Variants in BARHL2 observed in about 807,000 individuals in gnomAD.
The protein encoded by BARHL2 is barH-like 2 homeobox protein.
Under a neutral mutation model 27.1 loss-of-function variants are expected in BARHL2, and 10 were observed. That is an observed-to-expected ratio of 0.37 (90% CI 0.23 to 0.63). The LOEUF (loss-of-function observed/expected upper bound fraction) is 0.63, where lower values mean the gene tolerates loss of function less well. BARHL2 is among the 20% of genes least tolerant of loss of function. The pLI is 0.65. For missense variants in BARHL2, 483 were observed against 533.5 expected (o/e 0.91, Z 0.93); for synonymous variants, 248 against 224.7 (o/e 1.10, Z -0.93).
Position 90,717,011 on chromosome 1 carries a change from G to A in BARHL2, c.185C>T (p.Pro62Leu), listed in dbSNP as rs1301048987. Residue 62 changes from proline (P) to leucine (L), a missense_variant, in exon 1 of 3, where the codon CCT (proline) becomes CTT (leucine). Around this residue, in one of 3 missense-constraint regions of BARHL2, gnomAD observed 304 missense variants for 284.9 expected, o/e 1.07. Transcript: ENST00000370445. ...CSEIDTVGTA[P>L]SSPISVTMEP... ...CATGGTGACTGAGATAGGAGAAGAA[G>A]GCGCCGTCCCTACGGTATCAATCTC... 4 of 1,613,800 alleles carry A rather than the reference G, an allele frequency of 2.5e-6. No individual in the cohort carries two copies. The Admixed American group carries it at 5.0e-5, about 20-fold the overall frequency.
At chr1:90,714,397 A>T in intron 2 of BARHL2, 134 bp downstream of exon 2, 1 of 836,488 alleles carries the variant, frequency 1.2e-6, no homozygotes, top group Non-Finnish European at 1.9e-6. Context: ...CCCCATCCTT[A>T]AAGCACCCAA....
rs770520511 is a variant in BARHL2, at chr1:90,714,717, C to T, written c.665G>A (p.Arg222His). Residue 222 changes from arginine (R) to histidine (H), a missense_variant, in exon 2 of 3, where the codon CGT becomes CAT. This residue lies in a region of BARHL2 where 49 missense variants were observed against 110.6 expected (regional missense o/e 0.44). Transcript: ENST00000370445. ...CTTGGCTCTCACAGGGGGACTCTCA[C>T]GGCTACTCGTAATCTCCCGGTCTCC... ...EEGDREITSS[R>H]ESPPVRAKKP... 3.1e-6 allele frequency: 5 copies of T among 1,614,190 alleles called. No individual in the cohort carries two copies. The highest frequency in any genetic ancestry group is 4.2e-6 in the Non-Finnish European group (5 of 1,180,040).
At chr1:90,714,382 C>A (rs1429341286) in intron 2 of BARHL2, 149 bp downstream of exon 2, 9 of 744,788 alleles carry the variant, frequency 1.2e-5, no homozygotes, top group African/African-American at 1.7e-5. Context: ...TGTGGCTCAT[C>A]CCTGCCCCAT....
intron 1 of BARHL2, among the ~76,000 whole-genome samples, chr1:90,715,170 C>CT (rs35625130): frequency 0.11 from 7,586 of 66,236 alleles, 431 homozygotes; most frequent in African/African-American, 0.15. Flanking sequence ...TCCCTCTACT[C>CT]TTTTTTTTTT....
intron 1 of BARHL2, among the ~76,000 whole-genome samples, chr1:90,716,085 T>C (rs1658138033): frequency 7.5e-6 from 1 of 134,204 alleles, no homozygotes; most frequent in Non-Finnish European, 1.6e-5. Flanking sequence ...TTAAAACCGA[T>C]AATTCCTGTG....
In BARHL2 at chr1:90,714,387, C is replaced by T. The variant is rs1658100783; in HGVS notation, c.851+144G>A. 1.0e-5 allele frequency: 8 copies of T among 766,500 alleles called. No homozygotes were observed. In the East Asian group the frequency reaches 1.9e-4, roughly 18 times the overall value. The allele number at this position is 766,500 out of a possible 1,614,324, so 47.5% of individuals were successfully genotyped here. A position where few individuals can be genotyped will look rare whatever the true frequency, so the allele number is the denominator to read the frequency against. On this transcript the variant is annotated intron_variant, in intron 2 of 2. Coordinates refer to ENST00000370445, the MANE Select transcript of BARHL2 (RefSeq NM_020063.2). ...ACCTTGGGGGTGTGGCTCATCCCTG[C>T]CCCATCCTTAAAGCACCCAAGTGCC... is the stretch of plus-strand genomic sequence containing the variant.
In BARHL2 at chr1:90,714,738, T is replaced by C; in HGVS notation, c.644A>G (p.Asp215Gly). Residue 215 changes from aspartate to glycine, a missense_variant, in exon 2 of 3, where the codon GAC (aspartate) becomes GGC (glycine). This residue lies in a region of BARHL2 where 49 missense variants were observed against 110.6 expected (regional missense o/e 0.44). Coordinates refer to ENST00000370445, the MANE Select transcript of BARHL2 (RefSeq NM_020063.2). ...IKCHGTKEEG[D>G]REITSSRESP... ...CTCACGGCTACTCGTAATCTCCCGG[T>C]CTCCTTCCTCCTTTGTCCCTACCAT... 2 of 1,614,184 alleles carry C rather than the reference T, an allele frequency of 1.2e-6. No homozygotes were observed. The highest frequency in any genetic ancestry group is 1.1e-5 in the South Asian group (1 of 91,078).
rs1159717811 is a variant in BARHL2 at position 90,711,823 on chromosome 1, T to G, written c.*489A>C. ...TGCAAAGTTCTCAGTTACCCTCCTC[T>G]TTTCTCTGGGGCAGACGGAATGTCC... is the stretch of plus-strand genomic sequence containing the variant. On this transcript the variant is annotated 3_prime_UTR_variant, in exon 3 of 3. Transcript: ENST00000370445. 1 of 152,324 alleles carries G rather than the reference T, an allele frequency of 6.6e-6. No individual in the cohort carries two copies. Among genetic ancestry groups the G allele is most frequent in the Non-Finnish European group, 1.5e-5 (1 of 68,252 alleles). The allele number at this position is 152,324 out of a possible 1,614,324, so 9.4% of individuals were successfully genotyped here. A position where few individuals can be genotyped will look rare whatever the true frequency, so the allele number is the denominator to read the frequency against.
At chr1:90,712,736 G>A (rs2100639979) in intron 2 of BARHL2, 112 bp from the exon 3 acceptor site, 1 of 1,126,590 alleles carries the variant, frequency 8.9e-7, no homozygotes, top group East Asian at 2.6e-5. Flanking sequence ...TCCCTGGGTG[G>A]CAGGAAGACT....
chr1:90,714,853 C>T (rs1658110488), intron 1 of BARHL2, 97 bp from the exon 2 acceptor site: 2 of 1,187,028 alleles, frequency 1.7e-6, no homozygotes, highest in South Asian at 1.3e-5. Context: ...AAGCCAACTA[C>T]TGGCTTCGGG....
At chr1:90,716,245 C>G (rs1658141903) in intron 1 of BARHL2, among the ~76,000 whole-genome samples, 1 of 152,156 alleles carries the variant, frequency 6.6e-6, no homozygotes, top group African/African-American at 2.4e-5. Flanking sequence ...AGAAAAACCC[C>G]AAGTCCATCC....
intron 2 of BARHL2, among the ~76,000 whole-genome samples, chr1:90,714,280 G>C (rs1029376033): frequency 3.3e-5 from 5 of 152,174 alleles, no homozygotes; most frequent in Non-Finnish European, 7.3e-5. Context: ...CAGCGGCTCG[G>C]GTTTCAGAGG....
intron 2 of BARHL2, among the ~76,000 whole-genome samples, chr1:90,713,099 A>T (rs574663107): frequency 6.6e-6 from 1 of 152,218 alleles, no homozygotes; most frequent in African/African-American, 2.4e-5. Flanking sequence ...AACCGTAAAC[A>T]AAGGGATGCA....
At chr1:90,716,365 G>A (rs1658144057) in intron 1 of BARHL2, among the ~76,000 whole-genome samples, 1 of 152,202 alleles carries the variant, frequency 6.6e-6, no homozygotes, top group African/African-American at 2.4e-5. Context: ...CGTGAAGGTT[G>A]TGGGGTAGAA....
At chr1:90,712,918 C>A (rs1658066152) in intron 2 of BARHL2, among the ~76,000 whole-genome samples, 1 of 152,158 alleles carries the variant, frequency 6.6e-6, no homozygotes, top group Non-Finnish European at 1.5e-5. Flanking sequence ...CTGCTGTCGC[C>A]CCCCTTGTAG....
Position 90,714,760 on chromosome 1 carries a change from C to G in BARHL2, c.626-4G>C, listed in dbSNP as rs751449154. 6.2e-7 allele frequency: 1 copy of G among 1,613,848 alleles called. No homozygotes were observed. ...CGGTCTCCTTCCTCCTTTGTCCCTA[C>G]CATAGAAACCCAGCCACGGTGGTAA... On this transcript the variant is annotated splice_region_variant and splice_polypyrimidine_tract_variant and intron_variant, in intron 1 of 2. Transcript: ENST00000370445.
In BARHL2 at chr1:90,716,819, T is replaced by TGGG. The variant is rs747119215; in HGVS notation, c.374_376dup (p.Pro125dup). The TGGG allele has an allele frequency of 1.3e-6, 2 of 1,552,210 alleles. No individual in the cohort carries two copies. Among genetic ancestry groups the TGGG allele is most frequent in the East Asian group, 4.9e-5 (2 of 40,982 alleles). ...GGCCGAGGCGGCCGAGCCCAGCTGC[T>TGGG]GGGGGGGCGGCGGCGGCGGCTGCTG... On this transcript the variant is annotated inframe_insertion, in exon 1 of 3. Coordinates refer to ENST00000370445, the MANE Select transcript of BARHL2 (RefSeq NM_020063.2).
rs1002351437 is a variant in BARHL2, at chr1:90,712,260, G to A, written c.*52C>T. ...GCAGGGAGAGGACGGGCAGCAGTCC[G>A]GGTTGGGCAGGGATATGGGGAAGGG... On this transcript the variant is annotated 3_prime_UTR_variant, in exon 3 of 3. Coordinates refer to ENST00000370445, the MANE Select transcript of BARHL2 (RefSeq NM_020063.2). 11 of 1,414,156 alleles carry A rather than the reference G, an allele frequency of 7.8e-6. No individual in the cohort carries two copies. Among genetic ancestry groups the A allele is most frequent in the South Asian group, 6.3e-5 (4 of 63,482 alleles). The allele number at this position is 1,414,156 out of a possible 1,614,324, so 87.6% of individuals were successfully genotyped here. A position where few individuals can be genotyped will look rare whatever the true frequency, so the allele number is the denominator to read the frequency against.
At chr1:90,715,484 C>T (rs1468639022) in intron 1 of BARHL2, among the ~76,000 whole-genome samples, 2 of 152,106 alleles carry the variant, frequency 1.3e-5, no homozygotes, top group African/African-American at 4.8e-5. Context: ...TGTTTGTACC[C>T]GTTTGTGCAG....
Sources: gnomAD v4.1 joint callset for allele counts (sites outside exome capture counted in the v4.1 genomes callset) on GRCh38, gnomAD v4.1.1 for gene constraint, gnomAD v4.1.1 regional missense constraint, MANE v1.5 for transcripts, NCBI Gene and HGNC (gene_info 2026-07-23, HGNC 2026-07-21) for gene names.